PTPRR: variants seen among roughly 807,000 people sequenced by gnomAD.
PTPRR encodes receptor-type tyrosine-protein phosphatase R.
In PTPRR, 38 loss-of-function variants were observed where a neutral mutation model predicts 77.2. That is an observed-to-expected ratio of 0.49 (90% CI 0.38 to 0.65). The LOEUF (loss-of-function observed/expected upper bound fraction) is 0.65. PTPRR is among the 30% of genes least tolerant of loss of function. PTPRR has a pLI of 0.00. For synonymous variants in PTPRR, 299 were observed against 283.1 expected (o/e 1.06, Z -0.57); for missense variants, 744 against 799.2 (o/e 0.93, Z 0.83).
At chr12:70,912,870 A>G (rs758846492) in intron 1 of PTPRR, among the ~76,000 whole-genome samples, 3 of 152,116 alleles carry the variant, frequency 2.0e-5, no homozygotes, top group Non-Finnish European at 4.4e-5. Context: ...CGAAACTACT[A>G]ACATCCTTTA....
chr12:70,658,586 C>G lies in PTPRR; in HGVS notation c.1767-1769G>C, dbSNP rs1479470883. ...AAAGAAGAAAAGAATTAATGAGAAA[C>G]AGCAAATATGATTTGCAACAATAAG... is the stretch of plus-strand genomic sequence containing the variant. On this transcript the variant is annotated intron_variant, in intron 12 of 13. Coordinates refer to ENST00000283228, the MANE Select transcript of PTPRR (RefSeq NM_002849.4). Among the ~76,000 whole-genome samples the G allele has an allele frequency of 2.6e-5, 4 of 152,076 alleles. No individual in the cohort carries two copies. The East Asian group carries it at 5.8e-4, about 22-fold the overall frequency.
chr12:70,730,874 GAGAA>G (rs1889629308), intron 6 of PTPRR, among the ~76,000 whole-genome samples: 1 of 149,870 alleles, frequency 6.7e-6, no homozygotes, highest in East Asian at 2.0e-4. Flanking sequence ...GAAGGAGATA[GAGAA>G]AGAGAGAGGA....
In PTPRR at chr12:70,916,073, A is replaced by G. The variant is rs530445419; in HGVS notation, c.58+4260T>C. On this transcript the variant is annotated intron_variant, in intron 1 of 13. Coordinates refer to ENST00000283228, the MANE Select transcript of PTPRR (RefSeq NM_002849.4). Reference sequence around the variant, plus strand: ...CAATAAAAAAAGTAAAATATATTGTATGTTGGGTGGTGAAGACCTCTGGGG... The same window carrying G: ...CAATAAAAAAAGTAAAATATATTGTGTGTTGGGTGGTGAAGACCTCTGGGG... Among the ~76,000 whole-genome samples the G allele has an allele frequency of 6.6e-5, 10 of 152,298 alleles. No individual in the cohort carries two copies. The South Asian group carries it at 1.5e-3, about 22-fold the overall frequency.
intron 1 of PTPRR, among the ~76,000 whole-genome samples, chr12:70,919,023 G>A (rs926875926): frequency 6.6e-6 from 1 of 152,158 alleles, no homozygotes; most frequent in Non-Finnish European, 1.5e-5. Flanking sequence ...CAATTAACAT[G>A]TGTATTTAAT....
chr12:70,898,145 A>G (rs1169696531), intron 1 of PTPRR, among the ~76,000 whole-genome samples: 1 of 143,406 alleles, frequency 7.0e-6, no homozygotes, highest in East Asian at 2.3e-4. Context: ...TAAAACTTAA[A>G]GTATAATAAT....
At chr12:70,763,789 T>G (rs756994559) in intron 3 of PTPRR, among the ~76,000 whole-genome samples, 4 of 152,170 alleles carry the variant, frequency 2.6e-5, no homozygotes, top group Non-Finnish European at 4.4e-5. Flanking sequence ...CCTTTTCACA[T>G]AAAACTGAGG....
chr12:70,827,176 T>C (rs1222132109), intron 2 of PTPRR, among the ~76,000 whole-genome samples: 1 of 152,116 alleles, frequency 6.6e-6, no homozygotes, highest in Non-Finnish European at 1.5e-5. Context: ...TATTTACAGG[T>C]TTAGTTGTTT....
intron 2 of PTPRR, among the ~76,000 whole-genome samples, chr12:70,831,894 A>T (rs1892219440): frequency 1.3e-5 from 2 of 152,052 alleles, no homozygotes; most frequent in South Asian, 4.1e-4. Context: ...TTCTTGTAGC[A>T]CTCTAATTAT....
intron 2 of PTPRR, among the ~76,000 whole-genome samples, chr12:70,870,501 G>A (rs560321439): frequency 3.9e-5 from 6 of 152,210 alleles, no homozygotes; most frequent in Admixed American, 1.3e-4. Flanking sequence ...GCAAATTAGC[G>A]CTCAATGGGA....
At chr12:70,709,638 C>A (rs1426982772) in intron 6 of PTPRR, among the ~76,000 whole-genome samples, 9 of 152,118 alleles carry the variant, frequency 5.9e-5, no homozygotes, top group Non-Finnish European at 1.5e-5. Context: ...AGCAAAGTTT[C>A]AGGATACAAA....
intron 2 of PTPRR, among the ~76,000 whole-genome samples, chr12:70,829,479 T>C (rs1892173626): frequency 1.3e-5 from 2 of 152,226 alleles, no homozygotes; most frequent in East Asian, 3.9e-4. Flanking sequence ...AATAAATACA[T>C]TTATTTATGT....
chr12:70,894,321 G>A (rs963135495), intron 1 of PTPRR, among the ~76,000 whole-genome samples: 20 of 151,644 alleles, frequency 1.3e-4, no homozygotes, highest in Non-Finnish European at 1.3e-4. Context: ...TAGTACTCAT[G>A]CTACTGGGCA....
intron 10 of PTPRR, among the ~76,000 whole-genome samples, chr12:70,682,728 A>T (rs186283110): frequency 6.6e-6 from 1 of 152,184 alleles, no homozygotes; most frequent in African/African-American, 2.4e-5. Context: ...ATGCATATTA[A>T]ACAACTGTGA....
At chr12:70,732,735 ATTT>A (rs57295083) in intron 6 of PTPRR, among the ~76,000 whole-genome samples, 31,533 of 151,686 alleles carry the variant, frequency 0.21, 3,492 homozygotes, top group East Asian at 0.44. Flanking sequence ...TAATTTTTGT[ATTT>A]TTAGTAGAGA....
chr12:70,836,537 A>T (rs1592785339), intron 2 of PTPRR, among the ~76,000 whole-genome samples: 1 of 151,982 alleles, frequency 6.6e-6, no homozygotes, highest in South Asian at 2.1e-4. Context: ...GATCAACCAT[A>T]CCCCATGTAA....
chr12:70,872,467 A>G (rs1892974869), intron 2 of PTPRR, among the ~76,000 whole-genome samples: 1 of 151,886 alleles, frequency 6.6e-6, no homozygotes, highest in Non-Finnish European at 1.5e-5. Context: ...AGGCCGAGGC[A>G]GGCGGATCAT....
intron 6 of PTPRR, among the ~76,000 whole-genome samples, chr12:70,730,017 A>G (rs1367053218): frequency 6.6e-6 from 1 of 152,168 alleles, no homozygotes; most frequent in South Asian, 2.1e-4. Context: ...CAATGAAAAA[A>G]TAATAATTCC....
At chr12:70,667,470 C>A (rs1183947796) in intron 10 of PTPRR, among the ~76,000 whole-genome samples, 2 of 152,136 alleles carry the variant, frequency 1.3e-5, no homozygotes, top group Non-Finnish European at 2.9e-5. Context: ...TACCCATCAA[C>A]CCCCTGGTTA....
At chr12:70,772,865 T>C (rs1891009297) in intron 2 of PTPRR, among the ~76,000 whole-genome samples, 2 of 151,678 alleles carry the variant, frequency 1.3e-5, no homozygotes, top group Admixed American at 1.3e-4. Context: ...AAAATTTATC[T>C]TACTTTATTT....
Sources: allele counts gnomAD v4.1 joint callset (sites outside exome capture counted in the v4.1 genomes callset), GRCh38; gene constraint gnomAD v4.1.1; transcripts MANE v1.5; gene names NCBI Gene and HGNC (gene_info 2026-07-23, HGNC 2026-07-21).